MICU3: variants seen among roughly 807,000 people sequenced by gnomAD.
MICU3 encodes calcium uptake protein 3, mitochondrial.
A neutral mutation model predicts 66.5 loss-of-function variants in MICU3; 62 were observed. That is an observed-to-expected ratio of 0.93 (90% confidence interval 0.76 to 1.15). MICU3 has a LOEUF of 1.15. Among genes scored for constraint, MICU3 ranks in the 50% most tolerant of loss-of-function variants. The probability of loss-of-function intolerance (pLI) is 0.00; values close to 1 mark genes in which losing one functional copy is unlikely to be tolerated. For missense variants in MICU3, 779 were observed against 664.4 expected (o/e 1.17, Z -1.90); for synonymous variants, 308 against 240.7 (o/e 1.28, Z -2.59).
intron 1 of MICU3, among the ~76,000 whole-genome samples, chr8:17,060,447 A>G (rs1365259893): frequency 6.6e-6 from 1 of 152,120 alleles, no homozygotes; most frequent in Non-Finnish European, 1.5e-5. Flanking sequence ...AGCTGGGATT[A>G]CAGGCATGCG....
At chr8:17,071,992 T>A (rs1285369662) in intron 3 of MICU3, among the ~76,000 whole-genome samples, 1 of 152,164 alleles carries the variant, frequency 6.6e-6, no homozygotes, top group Non-Finnish European at 1.5e-5. Context: ...AAATTCAATG[T>A]AACTCCAATT....
intron 3 of MICU3, among the ~76,000 whole-genome samples, chr8:17,076,394 A>G (rs1366507489): frequency 6.6e-6 from 1 of 152,188 alleles, no homozygotes; most frequent in East Asian, 1.9e-4. Context: ...TGTTGTCTAA[A>G]CAATAAACAT....
At position 17,098,752 on chromosome 8, in the gene MICU3, C is replaced by A. The variant is rs565357325; in HGVS notation, c.984+199C>A. Among the ~76,000 whole-genome samples the A allele has an allele frequency of 4.0e-4, 61 of 151,648 alleles. 1 individual carries two copies. The highest frequency in any genetic ancestry group is 1.4e-3 in the African/African-American group (59 of 41,418). On this transcript the variant is annotated intron_variant, in intron 9 of 14. Coordinates refer to ENST00000318063, the MANE Select transcript of MICU3 (RefSeq NM_181723.3). ...GTTGAACTTAATTAAAAGGAAATGG[C>A]ATTTTTTTTAACTTAAGGATCACTT...
chr8:17,108,790 C>T (rs1259424866), intron 11 of MICU3, among the ~76,000 whole-genome samples: 2 of 152,138 alleles, frequency 1.3e-5, no homozygotes, highest in Non-Finnish European at 2.9e-5. Context: ...GATCATACCA[C>T]AGTAAGATTG....
At chr8:17,071,230 A>C (rs1266630150) in intron 3 of MICU3, among the ~76,000 whole-genome samples, 1 of 152,106 alleles carries the variant, frequency 6.6e-6, no homozygotes, top group Non-Finnish European at 1.5e-5. Flanking sequence ...TGCTATGACA[A>C]AATATCACAG....
intron 1 of MICU3, among the ~76,000 whole-genome samples, chr8:17,060,598 C>T (rs1817676905): frequency 6.6e-6 from 1 of 152,130 alleles, no homozygotes; most frequent in African/African-American, 2.4e-5. Context: ...GGGCATGAGC[C>T]ACTACGCCTG....
Position 17,122,400 on chromosome 8 carries a change from TGTCA to T in MICU3, c.*2116_*2119del, listed in dbSNP as rs1478575253. On this transcript the variant is annotated 3_prime_UTR_variant, in exon 15 of 15. Coordinates refer to ENST00000318063, the MANE Select transcript of MICU3 (RefSeq NM_181723.3). ...GTACTGACTACATGTATGCTGTTAT[TGTCA>T]GTGTTTCCTTCTATAAACTGTTCTT... The T allele has an allele frequency of 6.6e-6, 1 of 151,906 alleles. No homozygotes were observed. Among genetic ancestry groups the T allele is most frequent in the Admixed American group, 6.6e-5 (1 of 15,260 alleles). The allele number at this position is 151,906 out of a possible 1,614,324, so 9.4% of individuals were successfully genotyped here.
At chr8:17,039,275 T>A (rs1813614531) in intron 1 of MICU3, among the ~76,000 whole-genome samples, 1 of 152,218 alleles carries the variant, frequency 6.6e-6, no homozygotes, top group Non-Finnish European at 1.5e-5. Context: ...ATTGCAATAT[T>A]TGTTTTATTG....
intron 9 of MICU3, among the ~76,000 whole-genome samples, chr8:17,103,842 T>A (rs992210748): frequency 2.6e-5 from 4 of 151,926 alleles, no homozygotes; most frequent in Non-Finnish European, 4.4e-5. Context: ...TTACTTTAGT[T>A]TTTCTCTTTC....
chr8:17,131,921 AG>A, the MICU3 span: 7 of 152,342 alleles, frequency 4.6e-5, no homozygotes, highest in East Asian at 1.4e-3. Context: ...ATCAATAAAC[AG>A]CATAGTCTGC....
At chr8:17,074,382 T>C (rs1820064674) in intron 3 of MICU3, among the ~76,000 whole-genome samples, 1 of 152,146 alleles carries the variant, frequency 6.6e-6, no homozygotes, top group Non-Finnish European at 1.5e-5. Flanking sequence ...AGAGTTTCCT[T>C]TCAGAACTGC....
At chr8:17,055,682 C>A (rs1248235294) in intron 1 of MICU3, among the ~76,000 whole-genome samples, 2 of 152,204 alleles carry the variant, frequency 1.3e-5, no homozygotes, top group African/African-American at 4.8e-5. Context: ...ATGACAGAGT[C>A]ATCATCTGCC....
Position 17,039,895 on chromosome 8 carries a change from CTTTTTTTTTTTTTTTTTT to C in MICU3, c.381+12247_381+12264del, listed in dbSNP as rs35133600. On this transcript the variant is annotated intron_variant, in intron 1 of 14. Transcript: ENST00000318063. The stretch of plus-strand genomic sequence containing the variant: ...ATGAAGGTATCCATCATCTTGCATT[CTTTTTTTTTTTTTTTTTT>C]TTTTTTTTTTTGAGATGGAGTTTCG... Among the ~76,000 whole-genome samples, 22 of 62,552 alleles carry C rather than the reference CTTTTTTTTTTTTTTTTTT, an allele frequency of 3.5e-4. 1 individual carries two copies. In the East Asian group the frequency reaches 0.012, roughly 34 times the overall value. The allele number at this position is 62,552 out of a possible 152,430, so 41.0% of individuals were successfully genotyped here.
intron 8 of MICU3, among the ~76,000 whole-genome samples, chr8:17,094,001 A>G (rs774040376): frequency 3.9e-5 from 6 of 151,988 alleles, no homozygotes; most frequent in Non-Finnish European, 7.4e-5. Context: ...GTGTGTCCCC[A>G]CTCATAATCC....
At position 17,101,148 on chromosome 8, in the gene MICU3, A is replaced by T. The variant is rs185639686; in HGVS notation, c.984+2595A>T. On this transcript the variant is annotated intron_variant, in intron 9 of 14. Coordinates refer to ENST00000318063, the MANE Select transcript of MICU3 (RefSeq NM_181723.3). The stretch of plus-strand genomic sequence containing the variant: ...TTCATGCAAGTTTATTTTTGATGAA[A>T]TCATTTTAAATAGTTTTTAATCAAA... 1.4e-4 allele frequency among the ~76,000 whole-genome samples: 22 copies of T among 151,932 alleles called. No homozygotes were observed. In the East Asian group the frequency reaches 3.7e-3, roughly 25 times the overall value.
chr8:17,085,053 T>C (rs1400830675), intron 5 of MICU3, among the ~76,000 whole-genome samples, 183 bp from the exon 6 acceptor site: 1 of 152,160 alleles, frequency 6.6e-6, no homozygotes, highest in Non-Finnish European at 1.5e-5. Context: ...AGAAGTACTT[T>C]TAAAGTATAT....
At chr8:17,039,806 A>G (rs1476280060) in intron 1 of MICU3, among the ~76,000 whole-genome samples, 6 of 149,272 alleles carry the variant, frequency 4.0e-5, no homozygotes, top group African/African-American at 2.5e-5. Flanking sequence ...ATAATTTTAT[A>G]TATTTATGGC....
intron 2 of MICU3, among the ~76,000 whole-genome samples, chr8:17,066,397 G>C (rs187133131): frequency 8.9e-4 from 135 of 151,146 alleles, no homozygotes; most frequent in African/African-American, 3.2e-3. Flanking sequence ...CACATGATAG[G>C]TACACAATAA....
rs1049475648 is a variant in MICU3 at position 17,027,247 on chromosome 8, C to T, written c.-33C>T. On this transcript the variant is annotated 5_prime_UTR_variant, in exon 1 of 15. Coordinates refer to ENST00000318063, the MANE Select transcript of MICU3 (RefSeq NM_181723.3). Reference sequence around the variant, plus strand: ...CCGCCCCCGCCCCTCCGTTCTCTGCCCCCTCCCAGCTCTGGTGTGGGCGGC... The same window carrying T: ...CCGCCCCCGCCCCTCCGTTCTCTGCTCCCTCCCAGCTCTGGTGTGGGCGGC... 8.6e-6 allele frequency: 8 copies of T among 933,138 alleles called. No homozygotes were observed. Among genetic ancestry groups the T allele is most frequent in the Non-Finnish European group, 1.1e-5 (8 of 705,952 alleles). The allele number at this position is 933,138 out of a possible 1,614,324, so 57.8% of individuals were successfully genotyped here.
Sources: gnomAD v4.1 joint callset for allele counts (sites outside exome capture counted in the v4.1 genomes callset) on GRCh38, gnomAD v4.1.1 for gene constraint, MANE v1.5 for transcripts, NCBI Gene and HGNC (gene_info 2026-07-23, HGNC 2026-07-21) for gene names.